OR8B3: variants seen among roughly 807,000 people sequenced by gnomAD.
The protein encoded by OR8B3 is olfactory receptor family 8 subfamily B member 3, also known as olfactory receptor 8B3.
For synonymous variants in OR8B3, 102 were observed against 135.4 expected (o/e 0.75, Z 1.71); for missense variants, 278 against 377.6 (o/e 0.74, Z 2.19).
upstream of OR8B3, among the ~76,000 whole-genome samples, chr11:124,403,866 C>T (rs575110941): frequency 6.6e-6 from 1 of 152,358 alleles, no homozygotes; most frequent in South Asian, 2.1e-4. Context: ...ATCCCGGCAC[C>T]TCGGGAGGCC....
At chr11:124,404,124 C>G in the OR8B3 span, 1 of 152,032 alleles carries the variant, frequency 6.6e-6, no homozygotes, top group African/African-American at 2.4e-5. Context: ...AGAGGGAGAC[C>G]GTGGGGAGAG....
At chr11:124,397,505 C>G in intron 1 of OR8B3, 137 bp from the exon 2 acceptor site, 1 of 553,004 alleles carries the variant, frequency 1.8e-6, no homozygotes, top group Non-Finnish European at 3.2e-6. Context: ...GAATGTACTG[C>G]CACTCCCACT....
chr11:124,402,848 T>TA (rs1555071337), upstream of OR8B3, among the ~76,000 whole-genome samples: 18 of 148,588 alleles, frequency 1.2e-4, no homozygotes, highest in Non-Finnish European at 4.5e-5. Context: ...TTTTTTTTTT[T>TA]ATTGATCATT....
At chr11:124,407,317 T>C in the OR8B3 span, among the ~76,000 whole-genome samples, 1 of 152,170 alleles carries the variant, frequency 6.6e-6, no homozygotes, top group East Asian at 1.9e-4. Context: ...TTTTCCTGTT[T>C]CTTCATTTCT....
In OR8B3 at chr11:124,396,271, T is replaced by G; in HGVS notation, c.*139A>C. Reference sequence around the variant, plus strand: ...TGCAAAACCAAAAAAAGAGACAAGATGATTTCATAAGAGAAATGATAAGAC... The same window carrying G: ...TGCAAAACCAAAAAAAGAGACAAGAGGATTTCATAAGAGAAATGATAAGAC... On this transcript the variant is annotated 3_prime_UTR_variant, in exon 2 of 2. Transcript: ENST00000641139. The G allele has an allele frequency of 1.2e-6, 1 of 846,432 alleles. No individual in the cohort carries two copies. The highest frequency in any genetic ancestry group is 1.8e-6 in the Non-Finnish European group (1 of 567,006). 52.4% of individuals were successfully genotyped at this position (846,432 alleles called of 1,614,324 possible). A position where few individuals can be genotyped will look rare whatever the true frequency, so the allele number is the denominator to read the frequency against.
chr11:124,403,513 C>T (rs1404777000), upstream of OR8B3, among the ~76,000 whole-genome samples: 8 of 150,194 alleles, frequency 5.3e-5, no homozygotes, highest in East Asian at 4.0e-4. Flanking sequence ...ACATCCCAGA[C>T]GGGGCGGCGG....
At chr11:124,405,939 A>G in the OR8B3 span, among the ~76,000 whole-genome samples, 1 of 152,182 alleles carries the variant, frequency 6.6e-6, no homozygotes. Context: ...CCAATCTCCA[A>G]TGCAGAAGAG....
Position 124,395,604 on chromosome 11 carries a change from A to G in OR8B3, c.*806T>C, listed in dbSNP as rs1337915295. On this transcript the variant is annotated 3_prime_UTR_variant, in exon 2 of 2. Coordinates refer to ENST00000641139, the MANE Select transcript of OR8B3 (RefSeq NM_001005467.2). ...TACCTATAACGAGTAAAAAAATAAC[A>G]TTTACAGTAGGAACTACACGCTTTT... 6.6e-6 allele frequency: 1 copy of G among 152,212 alleles called. No individual in the cohort carries two copies. Among genetic ancestry groups the G allele is most frequent in the Non-Finnish European group, 1.5e-5 (1 of 68,038 alleles). 9.4% of individuals were successfully genotyped at this position (152,212 alleles called of 1,614,324 possible).
chr11:124,402,511 G>A (rs1861010616), upstream of OR8B3, among the ~76,000 whole-genome samples: 1 of 152,130 alleles, frequency 6.6e-6, no homozygotes, highest in Non-Finnish European at 1.5e-5. Context: ...TCCACCAGGG[G>A]GTGCTGGTGA....
upstream of OR8B3, among the ~76,000 whole-genome samples, chr11:124,403,895 G>A (rs1012453706): frequency 1.3e-5 from 2 of 152,230 alleles, no homozygotes; most frequent in African/African-American, 4.8e-5. Context: ...CAGATCACTC[G>A]TGGTTAGGAG....
the OR8B3 span, among the ~76,000 whole-genome samples, chr11:124,408,255 T>C: frequency 6.6e-6 from 1 of 152,214 alleles, no homozygotes; most frequent in Non-Finnish European, 1.5e-5. Context: ...TTTCAATCCA[T>C]TGGCATTTTA....
In OR8B3 at chr11:124,397,166, G is replaced by T; in HGVS notation, c.186C>A (p.Phe62Leu). 6.2e-7 allele frequency: 1 copy of T among 1,612,458 alleles called. No homozygotes were observed. Among genetic ancestry groups the T allele is most frequent in the Non-Finnish European group, 8.5e-7 (1 of 1,179,618 alleles). The part of the protein sequence containing the change: ...NSHLHTPMYY[F>L]LFNLSFIDLC... ...GATCAATGAAGGAGAGATTGAAGAG[G>T]AAATAGTACATTGGTGTGTGGAGGT... is the stretch of plus-strand genomic sequence containing the variant. Residue 62 changes from phenylalanine to leucine, a missense_variant, in exon 2 of 2, where the codon TTC (phenylalanine) becomes TTA (leucine). Transcript: ENST00000641139.
rs529923171 is a variant in OR8B3, at chr11:124,396,209, A to G, written c.*201T>C. 1.1e-5 allele frequency: 6 copies of G among 549,198 alleles called. No homozygotes were observed. Among genetic ancestry groups the G allele is most frequent in the Non-Finnish European group, 1.9e-5 (6 of 314,710 alleles). 34.0% of individuals were successfully genotyped at this position (549,198 alleles called of 1,614,324 possible). A position where few individuals can be genotyped will look rare whatever the true frequency, so the allele number is the denominator to read the frequency against. ...CATATGTTCCTTTTACAAAGATGCC[A>G]TGACCTATTTAGTAAAATTGTGAGA... On this transcript the variant is annotated 3_prime_UTR_variant, in exon 2 of 2. Coordinates refer to ENST00000641139, the MANE Select transcript of OR8B3 (RefSeq NM_001005467.2).
chr11:124,406,659 A>G, the OR8B3 span, among the ~76,000 whole-genome samples: 1 of 151,934 alleles, frequency 6.6e-6, no homozygotes, highest in Admixed American at 6.6e-5. Flanking sequence ...TCTCTTCAAA[A>G]TCTTGCTCTG....
chr11:124,402,902 CA>C (rs1313878571), upstream of OR8B3, among the ~76,000 whole-genome samples: 1 of 150,592 alleles, frequency 6.6e-6, no homozygotes, highest in Non-Finnish European at 1.5e-5. Context: ...GGTCATAGGA[CA>C]ATAGTGGAGG....
chr11:124,404,753 T>C, the OR8B3 span: 5 of 152,240 alleles, frequency 3.3e-5, no homozygotes, highest in Admixed American at 3.3e-4. Flanking sequence ...GCTACAAGCA[T>C]CTTGGCTGAG....
At chr11:124,404,629 T>C in the OR8B3 span, 2 of 152,202 alleles carry the variant, frequency 1.3e-5, no homozygotes, top group African/African-American at 4.8e-5. Context: ...AATACAAGAA[T>C]ATGATTAAAT....
chr11:124,396,291 TAAGAC>T lies in OR8B3; in HGVS notation c.*114_*118del. 1 of 911,690 alleles carries T rather than the reference TAAGAC, an allele frequency of 1.1e-6. No homozygotes were observed. The highest frequency in any genetic ancestry group is 1.6e-6 in the Non-Finnish European group (1 of 625,470). 56.5% of individuals were successfully genotyped at this position (911,690 alleles called of 1,614,324 possible). ...CAAGATGATTTCATAAGAGAAATGATAAGACAAGTTTATTAAATCACACATAACAC... is the reference window on the plus strand; with the variant it reads ...CAAGATGATTTCATAAGAGAAATGATAAGTTTATTAAATCACACATAACAC... On this transcript the variant is annotated 3_prime_UTR_variant, in exon 2 of 2. Coordinates refer to ENST00000641139, the MANE Select transcript of OR8B3 (RefSeq NM_001005467.2).
chr11:124,403,601 C>T (rs1336405279), upstream of OR8B3, among the ~76,000 whole-genome samples: 6 of 151,346 alleles, frequency 4.0e-5, no homozygotes, highest in Admixed American at 1.3e-4. Context: ...TGATGGCGGC[C>T]GGGAAGAGGC....
Sources: allele counts gnomAD v4.1 joint callset (sites outside exome capture counted in the v4.1 genomes callset), GRCh38; gene constraint gnomAD v4.1.1; transcripts MANE v1.5; gene names NCBI Gene and HGNC (gene_info 2026-07-23, HGNC 2026-07-21).